The following SUSD5 variants were observed in gnomAD, a reference collection of about 807,000 sequenced individuals.
SUSD5 encodes the protein sushi domain containing 5.
In SUSD5, 33 loss-of-function variants were observed where a neutral mutation model predicts 29.5. The observed-to-expected ratio is 1.12, with a 90% CI of 0.85 to 1.49. The LOEUF (loss-of-function observed/expected upper bound fraction) is 1.49, where lower values mean the gene tolerates loss of function less well. SUSD5 is among the 40% of genes most tolerant of loss of function. SUSD5 has a pLI of 0.00. For missense variants in SUSD5, 776 were observed against 800.6 expected (o/e 0.97, Z 0.37); for synonymous variants, 308 against 325.3 (o/e 0.95, Z 0.57).
rs757965236 is a variant in SUSD5 at position 33,153,834 on chromosome 3, A to T, written c.798T>A (p.Phe266Leu). Residue 266 changes from phenylalanine (F) to leucine (L), a missense_variant, in exon 5 of 5, where the codon TTT becomes TTA. Transcript: ENST00000309558. The stretch of plus-strand genomic sequence containing the variant: ...CACCAGGCAAGCCTGTGGTTGGCAC[A>T]AAGACTTTATCCCGGGCTATGTTTT... ...GRENIARDKV[F>L]VPTTGLPGAG... 1.2e-6 allele frequency: 2 copies of T among 1,613,998 alleles called. No individual in the cohort carries two copies.
rs772152927 is a variant in SUSD5, at chr3:33,153,006, A to G, written c.1626T>C (p.Phe542=). Residue 542 remains phenylalanine, a synonymous_variant, in exon 5 of 5, where the codon TTT becomes TTC. Coordinates refer to ENST00000309558, the MANE Select transcript of SUSD5 (RefSeq NM_015551.2). ...CACCTGGCCCGGGGCCTTCCTGTCC[A>G]AAGAAGTCTTCAGACAGCAGGTATG... ...SFPYLLSEDF[F]GQEGPGPGAS... is the part of the protein sequence containing the mutation. The G allele has an allele frequency of 1.2e-6, 2 of 1,613,710 alleles. No homozygotes were observed. Among genetic ancestry groups the G allele is most frequent in the African/African-American group, 2.7e-5 (2 of 74,918 alleles).
rs778001534 is a variant in SUSD5, at chr3:33,153,432, C to A, written c.1200G>T (p.Gly400=). Residue 400 remains glycine (G), a synonymous_variant, in exon 5 of 5, where the codon GGG becomes GGT. Coordinates refer to ENST00000309558, the MANE Select transcript of SUSD5 (RefSeq NM_015551.2). ...EDGDRGDGSV[G]LDENVLVTPD... ...GAGTAACTAGGACGTTTTCATCCAG[C>A]CCTACTGACCCATCCCCTCTGTCCC... is the stretch of plus-strand genomic sequence containing the variant. The A allele has an allele frequency of 6.2e-7, 1 of 1,613,758 alleles. No individual in the cohort carries two copies. The highest frequency in any genetic ancestry group is 8.5e-7 in the Non-Finnish European group (1 of 1,179,914).
Position 33,183,930 on chromosome 3 carries a change from C to CTTT in SUSD5, c.410-8859_410-8857dup, listed in dbSNP as rs68055129. ...AACACTTTAAATATTTTATTACCCT[C>CTTT]TTTTTTTTTTTTTTTTTTTTTTTTT... On this transcript the variant is annotated intron_variant, in intron 3 of 4. Coordinates refer to ENST00000309558, the MANE Select transcript of SUSD5 (RefSeq NM_015551.2). 9.0e-3 allele frequency among the ~76,000 whole-genome samples: 562 copies of CTTT among 62,560 alleles called. 44 individuals carry two copies. Among genetic ancestry groups the CTTT allele is most frequent in the African/African-American group, 0.021 (277 of 13,282 alleles). The allele number at this position is 62,560 out of a possible 152,430, so 41.0% of individuals were successfully genotyped here.
intron 3 of SUSD5, among the ~76,000 whole-genome samples, chr3:33,183,907 C>T (rs2031724319): frequency 8.3e-6 from 1 of 120,584 alleles, no homozygotes; most frequent in South Asian, 2.7e-4. Flanking sequence ...TTCCTCTTAA[C>T]ACTTTAAATA....
chr3:33,214,479 G>C (rs1161995682), intron 1 of SUSD5, among the ~76,000 whole-genome samples: 1 of 152,038 alleles, frequency 6.6e-6, no homozygotes, highest in Non-Finnish European at 1.5e-5. Context: ...CACTGATTTA[G>C]GCCTCAGCTC....
At chr3:33,183,623 A>G (rs192792626) in intron 3 of SUSD5, among the ~76,000 whole-genome samples, 3 of 152,124 alleles carry the variant, frequency 2.0e-5, no homozygotes, top group Non-Finnish European at 2.9e-5. Flanking sequence ...ACAAACTATT[A>G]TCTCTCTGAT....
Position 33,152,612 on chromosome 3 carries a change from A to C in SUSD5, c.*130T>G. Reference sequence around the variant, plus strand: ...GTGCTCCAGAGACACTTCTCAGCCTATAAAACAAAGGGCTGAGGAAAAAAT... The same window carrying C: ...GTGCTCCAGAGACACTTCTCAGCCTCTAAAACAAAGGGCTGAGGAAAAAAT... On this transcript the variant is annotated 3_prime_UTR_variant, in exon 5 of 5. Coordinates refer to ENST00000309558, the MANE Select transcript of SUSD5 (RefSeq NM_015551.2). The C allele has an allele frequency of 9.5e-7, 1 of 1,054,740 alleles. No individual in the cohort carries two copies. The highest frequency in any genetic ancestry group is 1.4e-6 in the Non-Finnish European group (1 of 740,458). The allele number at this position is 1,054,740 out of a possible 1,614,324, so 65.3% of individuals were successfully genotyped here. A position where few individuals can be genotyped will look rare whatever the true frequency, so the allele number is the denominator to read the frequency against.
intron 3 of SUSD5, among the ~76,000 whole-genome samples, chr3:33,202,648 C>T (rs1174574956): frequency 6.6e-6 from 1 of 152,116 alleles, no homozygotes; most frequent in South Asian, 2.1e-4. Flanking sequence ...AAGCTGCAGA[C>T]CCCACAGACA....
At position 33,181,354 on chromosome 3, in the gene SUSD5, C is replaced by CTTT. The variant is rs61087865; in HGVS notation, c.410-6283_410-6281dup. Among the ~76,000 whole-genome samples the CTTT allele has an allele frequency of 3.7e-4, 45 of 120,490 alleles. 1 individual carries two copies. Among genetic ancestry groups the CTTT allele is most frequent in the African/African-American group, 1.3e-3 (43 of 32,560 alleles). The allele number at this position is 120,490 out of a possible 152,430, so 79.0% of individuals were successfully genotyped here. ...CCCTATACAGATGTATCATTTTCATCTTTTTTTTTTTTTTTTTGCATTTGT... is the reference window on the plus strand; with the variant it reads ...CCCTATACAGATGTATCATTTTCATCTTTTTTTTTTTTTTTTTTTTGCATTTGT... On this transcript the variant is annotated intron_variant, in intron 3 of 4. Transcript: ENST00000309558.
chr3:33,202,990 C>G (rs1017831386), intron 3 of SUSD5, among the ~76,000 whole-genome samples: 1 of 152,164 alleles, frequency 6.6e-6, no homozygotes, highest in African/African-American at 2.4e-5. Flanking sequence ...TAGCACCATG[C>G]AGCATCACTG....
At chr3:33,199,436 GCTAA>G (rs1233081734) in intron 3 of SUSD5, among the ~76,000 whole-genome samples, 1 of 152,022 alleles carries the variant, frequency 6.6e-6, no homozygotes, top group African/African-American at 2.4e-5. Flanking sequence ...ACCACGCCCG[GCTAA>G]CTTTTTGTAT....
At position 33,152,734 on chromosome 3, in the gene SUSD5, A is replaced by G; in HGVS notation, c.*8T>C. The G allele has an allele frequency of 6.3e-7, 1 of 1,591,518 alleles. No individual in the cohort carries two copies. The highest frequency in any genetic ancestry group is 8.6e-7 in the Non-Finnish European group (1 of 1,168,804). ...AAGTGGCTTTGGGAGAACCCACTCC[A>G]AAGGTGCCTAGACCTTCTCCATCTC... On this transcript the variant is annotated 3_prime_UTR_variant, in exon 5 of 5. Coordinates refer to ENST00000309558, the MANE Select transcript of SUSD5 (RefSeq NM_015551.2).
At chr3:33,172,380 G>A (rs560003640) in intron 4 of SUSD5, among the ~76,000 whole-genome samples, 123 of 152,158 alleles carry the variant, frequency 8.1e-4, no homozygotes, top group Non-Finnish European at 1.4e-3. Flanking sequence ...TTTTGGACCC[G>A]CAAAACCTGC....
At chr3:33,214,184 C>G in intron 1 of SUSD5, 79 bp from the exon 2 acceptor site, 1 of 1,414,638 alleles carries the variant, frequency 7.1e-7, no homozygotes, top group South Asian at 1.5e-5. Flanking sequence ...CTCTGGCAGA[C>G]GCCAGTTAGA....
chr3:33,199,422 C>T (rs1490222061), intron 3 of SUSD5, among the ~76,000 whole-genome samples: 6 of 152,206 alleles, frequency 3.9e-5, no homozygotes, highest in East Asian at 3.9e-4. Flanking sequence ...TACAGGCACC[C>T]GCCACCACGC....
At chr3:33,160,303 T>TAAAC (rs918499717) in intron 4 of SUSD5, among the ~76,000 whole-genome samples, 1 of 148,332 alleles carries the variant, frequency 6.7e-6, no homozygotes, top group Non-Finnish European at 1.5e-5. Flanking sequence ...AACAAACAAA[T>TAAAC]AAACAAACAA....
intron 4 of SUSD5, among the ~76,000 whole-genome samples, chr3:33,172,129 T>G (rs545617487): frequency 2.6e-4 from 40 of 151,896 alleles, no homozygotes; most frequent in African/African-American, 7.7e-4. Flanking sequence ...CTCCCCCAAG[T>G]TGACTTTTCT....
intron 4 of SUSD5, among the ~76,000 whole-genome samples, chr3:33,164,521 GAAGGATTAAT>G (rs1035516903): frequency 3.9e-5 from 6 of 152,234 alleles, no homozygotes; most frequent in African/African-American, 1.4e-4. Flanking sequence ...TTTAAAAAGG[GAAGGATTAAT>G]AAGTTATACT....
intron 3 of SUSD5, among the ~76,000 whole-genome samples, chr3:33,186,127 C>A (rs1033500426): frequency 1.3e-4 from 19 of 151,974 alleles, no homozygotes; most frequent in Admixed American, 7.9e-4. Context: ...CACGGTGAAA[C>A]CCTGTCTCTA....
Sources: allele counts gnomAD v4.1 joint callset (sites outside exome capture counted in the v4.1 genomes callset), GRCh38; gene constraint gnomAD v4.1.1; transcripts MANE v1.5; gene names NCBI Gene and HGNC (gene_info 2026-07-23, HGNC 2026-07-21).